Variants in RAD54L observed in about 807,000 individuals in gnomAD.
RAD54L encodes DNA repair and recombination protein RAD54-like.
A neutral mutation model predicts 91.6 loss-of-function variants in RAD54L; 74 were observed. That is an observed-to-expected ratio of 0.81 (90% CI 0.67 to 0.98). The LOEUF is 0.98. RAD54L is among the 50% of genes least tolerant of loss of function. RAD54L has a pLI of 0.00. For missense variants in RAD54L, 887 were observed against 945.7 expected (o/e 0.94, Z 0.81); for synonymous variants, 304 against 349.7 (o/e 0.87, Z 1.46).
In RAD54L at chr1:46,278,083, G is replaced by A. The variant is rs769015770; in HGVS notation, c.2045G>A (p.Arg682Gln). ...CCTTCTGTCCCTAGGTTGCACTGCCGACGTTGTGTCAACAGCCGTCAGATC... is the reference window on the plus strand; with the variant it reads ...CCTTCTGTCCCTAGGTTGCACTGCCAACGTTGTGTCAACAGCCGTCAGATC... ...LSDTHDRLHC[R>Q]RCVNSRQIRP... The change falls in exon 18 of 18, where the codon CGA becomes CAA. Residue 682 changes from arginine (R) to glutamine (Q), a missense_variant. Physicochemically the swap from Arg to Gln is conservative, Grantham distance 43. Coordinates refer to ENST00000371975, the MANE Select transcript of RAD54L (RefSeq NM_003579.4). The A allele has an allele frequency of 5.6e-6, 9 of 1,613,932 alleles. No individual in the cohort carries two copies. Among genetic ancestry groups the A allele is most frequent in the Middle Eastern group, 3.3e-4 (2 of 6,084 alleles).
chr1:46,268,079 A>T (rs189714645), intron 9 of RAD54L, among the ~76,000 whole-genome samples: 136 of 152,064 alleles, frequency 8.9e-4, no homozygotes, highest in Non-Finnish European at 1.3e-3. Context: ...TCTATTTGCT[A>T]AACTTAAAAT....
intron 16 of RAD54L, 30 bp downstream of exon 16, chr1:46,274,747 G>A: frequency 6.2e-7 from 1 of 1,613,310 alleles, no homozygotes; most frequent in South Asian, 1.1e-5. Flanking sequence ...TCATAGTAGG[G>A]GTGGGTCATG....
rs201442434 is a variant in RAD54L, at chr1:46,273,613, G to C, written c.1487-11G>C. 8.1e-6 allele frequency: 13 copies of C among 1,613,170 alleles called. 2 individuals are homozygous for C. In the East Asian group the frequency reaches 2.7e-4, roughly 33 times the overall value. ...AGCCAGTAGGGGACTGCTGGTTGCT[G>C]CTCTTCCCAGGTAAGATGCTGGTCC... On this transcript the variant is annotated splice_polypyrimidine_tract_variant and intron_variant, in intron 13 of 17. Coordinates refer to ENST00000371975, the MANE Select transcript of RAD54L (RefSeq NM_003579.4).
intron 9 of RAD54L, among the ~76,000 whole-genome samples, chr1:46,267,877 G>A (rs1253813795): frequency 6.6e-6 from 1 of 152,142 alleles, no homozygotes; most frequent in Non-Finnish European, 1.5e-5. Context: ...TGAGCTGAGG[G>A]TGGAATTATT....
intron 9 of RAD54L, among the ~76,000 whole-genome samples, chr1:46,269,463 A>G (rs1345774949): frequency 6.6e-6 from 1 of 151,696 alleles, no homozygotes; most frequent in Non-Finnish European, 1.5e-5. Flanking sequence ...ACACACCATC[A>G]TGCCTGGCTA....
chr1:46,258,067 G>A (rs1659991491), intron 3 of RAD54L, among the ~76,000 whole-genome samples: 1 of 151,890 alleles, frequency 6.6e-6, no homozygotes, highest in Admixed American at 6.6e-5. Flanking sequence ...AAATAGAGAT[G>A]GGGTCTTGCT....
intron 16 of RAD54L, among the ~76,000 whole-genome samples, chr1:46,276,196 T>C (rs757635781): frequency 6.6e-6 from 1 of 152,188 alleles, no homozygotes; most frequent in Admixed American, 6.5e-5. Flanking sequence ...CTGATTGATT[T>C]TGAGACACTT....
rs1553169932 is a variant in RAD54L at position 46,275,967 on chromosome 1, A to AAT, written c.1869+1250_1869+1251insAT. Among the ~76,000 whole-genome samples, 33 of 150,096 alleles carry AAT rather than the reference A, an allele frequency of 2.2e-4. 1 individual carries two copies. Among genetic ancestry groups the AAT allele is most frequent in the East Asian group, 8.0e-4 (4 of 5,024 alleles). The stretch of plus-strand genomic sequence containing the variant: ...GGATCCCGTCTTAAAAAAAAAAAAA[A>AAT]TTTTTTTTCTCGTCTTTGGAAACTC... On this transcript the variant is annotated intron_variant, in intron 16 of 17. Transcript: ENST00000371975.
intron 3 of RAD54L, among the ~76,000 whole-genome samples, chr1:46,251,998 A>G (rs766124590): frequency 3.9e-5 from 6 of 152,234 alleles, no homozygotes; most frequent in Non-Finnish European, 8.8e-5. Context: ...GTGTAACTAC[A>G]TGGCATAAGT....
chr1:46,260,636 G>A (rs368354546), intron 6 of RAD54L, 25 bp downstream of exon 6: 12 of 1,613,834 alleles, frequency 7.4e-6, no homozygotes, highest in Admixed American at 6.7e-5. Context: ...GGGGAACGAG[G>A]TATGGGCTAT....
In RAD54L at chr1:46,263,368, G is replaced by A. The variant is rs1660184121; in HGVS notation, c.891+1983G>A. Among the ~76,000 whole-genome samples, 1 of 152,134 alleles carries A rather than the reference G, an allele frequency of 6.6e-6. No individual in the cohort carries two copies. The highest frequency in any genetic ancestry group is 2.4e-5 in the African/African-American group (1 of 41,416). On this transcript the variant is annotated intron_variant, in intron 8 of 17. Transcript: ENST00000371975. The surrounding 1 kb of genome is among the most constrained non-coding windows in gnomAD (Gnocchi z 4.3). ...AGTCATTGTTTGCAACTTCTTGGGA[G>A]AGTTAACCTCCTTTGTATACCCCAG... is the stretch of plus-strand genomic sequence containing the variant.
At chr1:46,274,069 T>C in intron 14 of RAD54L, 69 bp from the exon 15 acceptor site, 1 of 1,472,062 alleles carries the variant, frequency 6.8e-7, no homozygotes, top group Admixed American at 1.7e-5. Context: ...TAAAAAAATT[T>C]TTATTTTTAA....
At position 46,277,823 on chromosome 1, in the gene RAD54L, A is replaced by G; in HGVS notation, c.1876A>G (p.Thr626Ala). 1.2e-6 allele frequency: 2 copies of G among 1,606,882 alleles called. No individual in the cohort carries two copies. Among genetic ancestry groups the G allele is most frequent in the Non-Finnish European group, 1.7e-6 (2 of 1,173,748 alleles). ...CYIYRLLSAG[T>A]IEEKIFQRQS... ...CCCACCTCCTCTTCCCCAGGCAGGG[A>G]CCATTGAGGAGAAGATCTTCCAGCG... The change falls in exon 17 of 18, where the codon ACC becomes GCC. Residue 626 changes from threonine (T) to alanine (A), a missense_variant. Coordinates refer to ENST00000371975, the MANE Select transcript of RAD54L (RefSeq NM_003579.4).
rs1660461974 is a variant in RAD54L, at chr1:46,272,525, AG to A, written c.1231del (p.Val411SerfsTer6). 3.1e-6 allele frequency: 5 copies of A among 1,612,410 alleles called. No homozygotes were observed. The East Asian group carries it at 1.1e-4, about 36-fold the overall frequency. ...AAATATCTGCCTGTGAAGATTGAGC[AG>A]GTCGTTTGTTGTAGGTACTGAACTC... ...LSKYLPVKIE[Q>X]VVCCRLTPLQ... On this transcript the variant is annotated frameshift_variant, in exon 11 of 18. Coordinates refer to ENST00000371975, the MANE Select transcript of RAD54L (RefSeq NM_003579.4). LOFTEE classifies it high-confidence loss of function.
At chr1:46,256,022 T>C (rs1571715761) in intron 3 of RAD54L, among the ~76,000 whole-genome samples, 1 of 152,204 alleles carries the variant, frequency 6.6e-6, no homozygotes, top group African/African-American at 2.4e-5. Flanking sequence ...TTAGAATTGA[T>C]GCCAAATTAA....
intron 3 of RAD54L, among the ~76,000 whole-genome samples, chr1:46,254,244 G>A (rs950898791): frequency 2.0e-4 from 30 of 151,666 alleles, no homozygotes; most frequent in African/African-American, 6.5e-4. Context: ...CAAAATGCTG[G>A]TATTACAGGT....
Position 46,265,320 on chromosome 1 carries a change from T to C in RAD54L, c.892-2139T>C, listed in dbSNP as rs747193162. Among the ~76,000 whole-genome samples the C allele has an allele frequency of 4.6e-5, 7 of 151,972 alleles. No individual in the cohort carries two copies. The highest frequency in any genetic ancestry group is 1.0e-4 in the Non-Finnish European group (7 of 67,988). On this transcript the variant is annotated intron_variant, in intron 8 of 17. Transcript: ENST00000371975. This position sits in a 1 kb window ranked among gnomAD's most constrained non-coding sequence, Gnocchi z 4.8. ...CAACATGGTGAAACCCTGTTTCTAC[T>C]AAAAATACAAAAGTTAGCCCGGCAT...
At position 46,274,161 on chromosome 1, in the gene RAD54L, G is replaced by T; in HGVS notation, c.1634G>T (p.Gly545Val). 1 of 1,613,770 alleles carries T rather than the reference G, an allele frequency of 6.2e-7. No homozygotes were observed. The change falls in exon 15 of 18, where the codon GGC becomes GTC. Residue 545 changes from glycine to valine, a missense_variant. Coordinates refer to ENST00000371975, the MANE Select transcript of RAD54L (RefSeq NM_003579.4). ...AGGTACTTATACGTCCGCCTGGATG[G>T]CACGATGTCCATTAAGAAGCGAGCC... The part of the protein sequence containing the change: ...ARRYLYVRLD[G>V]TMSIKKRAKV...
chr1:46,277,761 T>C, intron 16 of RAD54L, 56 bp from the exon 17 acceptor site: 1 of 1,539,700 alleles, frequency 6.5e-7, no homozygotes, highest in Non-Finnish European at 9.0e-7. Flanking sequence ...TGCTCCCTTT[T>C]TATGAGGATG....
Sources: gnomAD v4.1 joint callset for allele counts (sites outside exome capture counted in the v4.1 genomes callset) on GRCh38, gnomAD v4.1.1 for gene constraint, Gnocchi (gnomAD v3.1) non-coding constraint, MANE v1.5 for transcripts, NCBI Gene and HGNC (gene_info 2026-07-23, HGNC 2026-07-21) for gene names.